BLTP1: variants seen among roughly 807,000 people sequenced by gnomAD.
BLTP1 encodes fragile site-associated protein.
chr4:122,294,691 A>T, the BLTP1 span, among the ~76,000 whole-genome samples: 1 of 152,240 alleles, frequency 6.6e-6, no homozygotes, highest in Non-Finnish European at 1.5e-5. Context: ...AAACTCAAAA[A>T]GCCAGAGTGT....
the BLTP1 span, chr4:122,270,869 A>C: frequency 9.2e-7 from 1 of 1,081,974 alleles, no homozygotes; most frequent in East Asian, 2.6e-5. Flanking sequence ...TGGCCTAGTG[A>C]AAAAGCATAT....
At chr4:122,275,040 C>T in the BLTP1 span, among the ~76,000 whole-genome samples, 2 of 151,968 alleles carry the variant, frequency 1.3e-5, no homozygotes, top group Non-Finnish European at 2.9e-5. Flanking sequence ...TCGGTTTGGA[C>T]CTATAAGTGT....
At chr4:122,168,766 T>C in the BLTP1 span, among the ~76,000 whole-genome samples, 1 of 152,214 alleles carries the variant, frequency 6.6e-6, no homozygotes, top group African/African-American at 2.4e-5. Flanking sequence ...CTTAATCTTC[T>C]CTAGCTCCTG....
At chr4:122,316,696 A>C in the BLTP1 span, 2 of 1,586,266 alleles carry the variant, frequency 1.3e-6, no homozygotes, top group Non-Finnish European at 1.7e-6. Flanking sequence ...GTGTGACTTG[A>C]GGGTGGTATT....
chr4:122,240,098 A>T, the BLTP1 span: 1 of 1,614,198 alleles, frequency 6.2e-7, no homozygotes, highest in Non-Finnish European at 8.5e-7. Context: ...TAGGTGGAGA[A>T]GATGATGTTA....
the BLTP1 span, chr4:122,361,905 A>G: frequency 9.3e-7 from 1 of 1,069,898 alleles, no homozygotes; most frequent in Non-Finnish European, 1.3e-6. Flanking sequence ...CATTTATACA[A>G]ATGTACCTAC....
the BLTP1 span, chr4:122,201,922 A>G: frequency 5.1e-6 from 5 of 971,306 alleles, no homozygotes; most frequent in South Asian, 2.4e-4. Flanking sequence ...AGTGGTGTTT[A>G]AGGCATATGT....
At chr4:122,298,320 C>A in the BLTP1 span, 2 of 510,450 alleles carry the variant, frequency 3.9e-6, no homozygotes, top group Non-Finnish European at 5.1e-6. Context: ...GCCTATAGAG[C>A]CAAGAGAAAC....
the BLTP1 span, chr4:122,276,402 A>AAC: frequency 1.1e-6 from 1 of 948,988 alleles, no homozygotes; most frequent in Non-Finnish European, 1.3e-6. Flanking sequence ...TAATTATTAA[A>AAC]ACACTAACAA....
the BLTP1 span, chr4:122,343,285 T>A: frequency 1.6e-6 from 2 of 1,217,970 alleles, no homozygotes; most frequent in African/African-American, 3.0e-5. Context: ...ATCTGTTAAA[T>A]CTATTGATCT....
the BLTP1 span, chr4:122,209,730 A>G: frequency 6.8e-6 from 10 of 1,473,244 alleles, no homozygotes; most frequent in African/African-American, 1.0e-4. Context: ...AAAAAATAAT[A>G]ATAAAATTTG....
chr4:122,182,822 T>A, the BLTP1 span: 1 of 984,800 alleles, frequency 1.0e-6, no homozygotes, highest in South Asian at 4.7e-5. Flanking sequence ...CTCATTTCCC[T>A]CTTTCTTTTT....
chr4:122,200,676 C>G, the BLTP1 span: 2 of 984,810 alleles, frequency 2.0e-6, no homozygotes, highest in African/African-American at 3.5e-5. Flanking sequence ...TCACACTGAG[C>G]CTGTCACTTA....
chr4:122,313,953 T>C, the BLTP1 span: 1 of 704,730 alleles, frequency 1.4e-6, no homozygotes, highest in Non-Finnish European at 1.7e-6. Flanking sequence ...CTATCCTTCA[T>C]ACTTTTAAAT....
the BLTP1 span, chr4:122,248,271 G>A: frequency 6.7e-5 from 15 of 223,992 alleles, no homozygotes; most frequent in East Asian, 2.5e-3. Context: ...TGTAGTTTGC[G>A]TGGGTAACCA....
the BLTP1 span, chr4:122,318,422 T>G: frequency 1.4e-6 from 1 of 705,838 alleles, no homozygotes; most frequent in Non-Finnish European, 2.4e-6. Flanking sequence ...TGTGTTATTT[T>G]CCTATTTTAA....
chr4:122,189,933 C>T, the BLTP1 span: 1 of 1,564,848 alleles, frequency 6.4e-7, no homozygotes, highest in Non-Finnish European at 8.7e-7. Context: ...CCAGCATTAA[C>T]TAGGATACTG....
the BLTP1 span, chr4:122,205,871 G>C: frequency 1.7e-5 from 13 of 763,088 alleles, no homozygotes; most frequent in Admixed American, 1.3e-4. Flanking sequence ...ATACAAAGGT[G>C]AGTTTGACAC....
the BLTP1 span, chr4:122,189,737 T>G: frequency 1.1e-6 from 1 of 884,760 alleles, no homozygotes; most frequent in South Asian, 5.2e-5. Flanking sequence ...AACCAAATTT[T>G]TTTTTCTTCT....
Sources: allele counts gnomAD v4.1 joint callset (sites outside exome capture counted in the v4.1 genomes callset), GRCh38; gene constraint gnomAD v4.1.1; transcripts MANE v1.5; gene names NCBI Gene and HGNC (gene_info 2026-07-23, HGNC 2026-07-21).